The following DPP10 variants were observed in gnomAD, a reference collection of about 807,000 sequenced individuals.
The protein encoded by DPP10 is inactive dipeptidyl peptidase 10.
Under a neutral mutation model 120.9 loss-of-function variants are expected in DPP10, and 33 were observed. The ratio of observed to expected loss-of-function variants is 0.27; its 90% CI spans 0.21 to 0.37. The LOEUF (loss-of-function observed/expected upper bound fraction) is 0.37. Ranked by LOEUF, DPP10 falls within the 10% of genes least tolerant of loss-of-function variation. The pLI is 1.00. For missense variants in DPP10, 816 were observed against 942.8 expected (o/e 0.87, Z 1.76); for synonymous variants, 337 against 326.1 (o/e 1.03, Z -0.36).
chr2:115,619,993 A>G (rs2149277578), intron 5 of DPP10, among the ~76,000 whole-genome samples: 2 of 152,354 alleles, frequency 1.3e-5, no homozygotes, highest in South Asian at 4.1e-4. Context: ...CCCTCAAAAT[A>G]AAGTAGTATC....
At chr2:114,707,548 C>A (rs1179013895) in intron 1 of DPP10, among the ~76,000 whole-genome samples, 1 of 152,034 alleles carries the variant, frequency 6.6e-6, no homozygotes, top group Non-Finnish European at 1.5e-5. Context: ...ACTTTGGAGG[C>A]CATTGGTTTC....
intron 1 of DPP10, among the ~76,000 whole-genome samples, chr2:114,475,144 C>T (rs995837158): frequency 6.6e-5 from 10 of 152,184 alleles, no homozygotes; most frequent in South Asian, 2.1e-4. Context: ...ATCATCCGCA[C>T]GGCACAGTTT....
At chr2:115,678,108 T>C (rs146837752) in intron 5 of DPP10, among the ~76,000 whole-genome samples, 193 of 152,338 alleles carry the variant, frequency 1.3e-3, no homozygotes, top group African/African-American at 4.4e-3. Context: ...TTCAGTCTGA[T>C]GATGCAATAG....
At chr2:115,744,402 A>G (rs1208187334) in intron 9 of DPP10, among the ~76,000 whole-genome samples, 2 of 150,422 alleles carry the variant, frequency 1.3e-5, no homozygotes, top group South Asian at 2.1e-4. Flanking sequence ...AAGAGAGCTC[A>G]TAAGAGTCAC....
At chr2:114,982,312 T>C (rs980533822) in intron 1 of DPP10, among the ~76,000 whole-genome samples, 1 of 152,218 alleles carries the variant, frequency 6.6e-6, no homozygotes, top group African/African-American at 2.4e-5. Flanking sequence ...TTTTATATTC[T>C]ACTATTTCAA....
At chr2:114,936,111 C>G (rs1454038479) in intron 1 of DPP10, among the ~76,000 whole-genome samples, 3 of 151,812 alleles carry the variant, frequency 2.0e-5, no homozygotes, top group Non-Finnish European at 4.4e-5. Context: ...TATACTGTAC[C>G]CAACATGTAG....
At chr2:115,021,545 T>G (rs1703074194) in intron 1 of DPP10, among the ~76,000 whole-genome samples, 1 of 151,790 alleles carries the variant, frequency 6.6e-6, no homozygotes, top group South Asian at 2.1e-4. Context: ...AAAAACTGTA[T>G]GTGACCAGAT....
intron 1 of DPP10, among the ~76,000 whole-genome samples, chr2:114,458,878 T>A (rs1175141294): frequency 6.6e-6 from 1 of 152,200 alleles, no homozygotes; most frequent in Non-Finnish European, 1.5e-5. Context: ...AGTTTCACAA[T>A]CATCTCTGAG....
intron 24 of DPP10, among the ~76,000 whole-genome samples, chr2:115,839,123 A>C (rs1689824699): frequency 6.6e-6 from 1 of 152,200 alleles, no homozygotes; most frequent in African/African-American, 2.4e-5. Context: ...CATTGACCTT[A>C]TTAATTAGCA....
At chr2:115,812,027 G>T (rs1686701432) in intron 19 of DPP10, among the ~76,000 whole-genome samples, 1 of 152,102 alleles carries the variant, frequency 6.6e-6, no homozygotes, top group Non-Finnish European at 1.5e-5. Context: ...ACTTCATAAA[G>T]TATTTTCAAA....
intron 5 of DPP10, among the ~76,000 whole-genome samples, chr2:115,638,721 G>A (rs969301370): frequency 6.6e-6 from 1 of 152,156 alleles, no homozygotes; most frequent in Non-Finnish European, 1.5e-5. Flanking sequence ...ACCAACAAAT[G>A]TGTAGAGTCC....
chr2:114,996,352 A>G (rs560364781), intron 1 of DPP10, among the ~76,000 whole-genome samples: 1 of 152,310 alleles, frequency 6.6e-6, no homozygotes, highest in East Asian at 1.9e-4. Flanking sequence ...TGACATGACA[A>G]ATTACCAAGA....
At chr2:115,804,332 C>G (rs940342003) in intron 19 of DPP10, among the ~76,000 whole-genome samples, 2 of 152,180 alleles carry the variant, frequency 1.3e-5, no homozygotes, top group Non-Finnish European at 2.9e-5. Context: ...ATCCTTTCAT[C>G]TAATATTTTT....
chr2:114,958,901 G>A (rs949289923), intron 1 of DPP10, among the ~76,000 whole-genome samples: 2 of 152,090 alleles, frequency 1.3e-5, no homozygotes, highest in Admixed American at 1.3e-4. Context: ...TTAAAAAAAG[G>A]GGGTAACTCA....
At chr2:114,528,906 A>C (rs1685729247) in intron 1 of DPP10, among the ~76,000 whole-genome samples, 1 of 151,882 alleles carries the variant, frequency 6.6e-6, no homozygotes, top group African/African-American at 2.4e-5. Context: ...CAATGGGAGG[A>C]ACTGACTAAC....
chr2:115,548,526 A>C (rs1558832905), intron 5 of DPP10, among the ~76,000 whole-genome samples: 1 of 152,134 alleles, frequency 6.6e-6, no homozygotes, highest in Non-Finnish European at 1.5e-5. Context: ...AAAGTCAGTG[A>C]TGCAATGAGG....
chr2:114,853,881 G>A (rs1226684593), intron 1 of DPP10, among the ~76,000 whole-genome samples: 5 of 152,114 alleles, frequency 3.3e-5, no homozygotes, highest in Admixed American at 6.6e-5. Context: ...CTGAGCTTGC[G>A]AGCAGATTTC....
chr2:115,135,241 G>GAT (rs10534692), intron 1 of DPP10, among the ~76,000 whole-genome samples: 1,909 of 147,846 alleles, frequency 0.013, 19 homozygotes, highest in South Asian at 0.017. Context: ...GGGCCCTTGA[G>GAT]ATATATATAT....
At position 115,427,240 on chromosome 2, in the gene DPP10, C is replaced by T. The variant is rs2070563003; in HGVS notation, c.272-72270C>T. 2.0e-5 allele frequency among the ~76,000 whole-genome samples: 3 copies of T among 152,190 alleles called. No homozygotes were observed. The South Asian group carries it at 6.2e-4, about 31-fold the overall frequency. On this transcript the variant is annotated intron_variant, in intron 3 of 25. Transcript: ENST00000410059. ...GTGTGGAAGATGGTGGCTCCCTTCCCACAGCTCCACTAGGCAATGTCCCAG... is the reference window on the plus strand; with the variant it reads ...GTGTGGAAGATGGTGGCTCCCTTCCTACAGCTCCACTAGGCAATGTCCCAG...
Sources: gnomAD v4.1 joint callset for allele counts (sites outside exome capture counted in the v4.1 genomes callset) on GRCh38, gnomAD v4.1.1 for gene constraint, MANE v1.5 for transcripts, NCBI Gene and HGNC (gene_info 2026-07-23, HGNC 2026-07-21) for gene names.